Variants in VAV3 observed in about 807,000 individuals in gnomAD.
The protein encoded by VAV3 is vav guanine nucleotide exchange factor 3, also known as guanine nucleotide exchange factor VAV3.
A neutral mutation model predicts 131.2 loss-of-function variants in VAV3; 94 were observed. The ratio of observed to expected loss-of-function variants is 0.72; its 90% CI spans 0.61 to 0.85. The LOEUF (loss-of-function observed/expected upper bound fraction) is 0.85, where lower values mean the gene tolerates loss of function less well. VAV3 is among the 40% of genes least tolerant of loss of function. The pLI is 0.00. For synonymous variants in VAV3, 349 were observed against 342.0 expected (o/e 1.02, Z -0.22); for missense variants, 939 against 1,002.7 (o/e 0.94, Z 0.86).
chr1:107,760,675 T>C lies in VAV3; in HGVS notation c.1017+109A>G, dbSNP rs1322909450. On this transcript the variant is annotated intron_variant, in intron 10 of 26. Transcript: ENST00000370056. ...TAACTATAATAATAATTCAAAATTTTAAGGGGATTGGGCCCAACACATGGA... is the reference window on the plus strand; with the variant it reads ...TAACTATAATAATAATTCAAAATTTCAAGGGGATTGGGCCCAACACATGGA... 1.3e-5 allele frequency: 10 copies of C among 746,348 alleles called. No individual in the cohort carries two copies. In the East Asian group the frequency reaches 2.0e-4, roughly 15 times the overall value. 46.2% of individuals were successfully genotyped at this position (746,348 alleles called of 1,614,324 possible).
At chr1:107,728,238 C>T (rs1661972920) in intron 15 of VAV3, among the ~76,000 whole-genome samples, 1 of 152,114 alleles carries the variant, frequency 6.6e-6, no homozygotes, top group East Asian at 1.9e-4. Flanking sequence ...AAGAGTCAGA[C>T]CCCCATTTTA....
chr1:107,752,242 A>G (rs1017606475), intron 12 of VAV3, among the ~76,000 whole-genome samples: 2 of 152,234 alleles, frequency 1.3e-5, no homozygotes, highest in African/African-American at 4.8e-5. Context: ...TAGGGAAAGA[A>G]TAGCCTTTTC....
In VAV3 at chr1:107,736,361, A is replaced by C. The variant is rs1297320465; in HGVS notation, c.1502+12607T>G. On this transcript the variant is annotated intron_variant, in intron 15 of 26. Coordinates refer to ENST00000370056, the MANE Select transcript of VAV3 (RefSeq NM_006113.5). Reference sequence around the variant, plus strand: ...TAGTGTTGAAAGTTCTGGCAAGGGCAATCAGGCAGGAGAAAGAAATAAAGG... The same window carrying C: ...TAGTGTTGAAAGTTCTGGCAAGGGCCATCAGGCAGGAGAAAGAAATAAAGG... Among the ~76,000 whole-genome samples the C allele has an allele frequency of 2.0e-5, 3 of 152,316 alleles. No homozygotes were observed. The East Asian group carries it at 5.8e-4, about 29-fold the overall frequency.
intron 1 of VAV3, among the ~76,000 whole-genome samples, chr1:107,954,505 A>T (rs1186071530): frequency 6.6e-6 from 1 of 151,518 alleles, no homozygotes; most frequent in East Asian, 1.9e-4. Context: ...ATGTGTATGA[A>T]ATCATCCAGA....
In VAV3 at chr1:107,642,687, G is replaced by A. The variant is rs12410676; in HGVS notation, c.1846C>T (p.Pro616Ser). The A allele has an allele frequency of 0.13, 208,366 of 1,612,830 alleles. 14,511 individuals are homozygous for A. The highest frequency in any genetic ancestry group is 0.24 in the East Asian group (10,581 of 44,790). ...GTATCCCCGGCCTGGAGCTGTAAAG[G>A]GGGTCCTTCATGCAGAGCTGGGGGT... ...TPPPALHEGPPLQLQAGDTVE... is the reference protein window; with the variant it reads ...TPPPALHEGPSLQLQAGDTVE... Residue 616 changes from proline (P) to serine (S), a missense_variant, in exon 20 of 27, where the codon CCT (proline) becomes TCT (serine). Physicochemically the swap from Pro to Ser is moderately conservative, Grantham distance 74. Transcript: ENST00000370056.
chr1:107,604,964 T>C (rs959481829), intron 22 of VAV3, among the ~76,000 whole-genome samples: 2 of 152,192 alleles, frequency 1.3e-5, no homozygotes, highest in African/African-American at 4.8e-5. Flanking sequence ...AACCATCTTC[T>C]TCCTGCCACC....
chr1:107,816,668 C>G (rs1001470502), intron 2 of VAV3, among the ~76,000 whole-genome samples: 1 of 152,306 alleles, frequency 6.6e-6, no homozygotes. Flanking sequence ...GAACTTTAAC[C>G]TGACAGCTCA....
chr1:107,646,965 T>C (rs1214044863), intron 19 of VAV3, among the ~76,000 whole-genome samples: 1 of 151,878 alleles, frequency 6.6e-6, no homozygotes, highest in African/African-American at 2.4e-5. Context: ...ATGACACATG[T>C]GCTTTTTTTA....
At chr1:107,597,178 C>G (rs1233974026) in intron 24 of VAV3, among the ~76,000 whole-genome samples, 1 of 149,376 alleles carries the variant, frequency 6.7e-6, no homozygotes, top group Non-Finnish European at 1.5e-5. Context: ...TCACTTTTAA[C>G]TTAATTATTC....
rs186534882 is a variant in VAV3 at position 107,892,602 on chromosome 1, C to T, written c.205-17585G>A. Among the ~76,000 whole-genome samples, 721 of 75,154 alleles carry T rather than the reference C, an allele frequency of 9.6e-3. 5 individuals carry two copies. Among genetic ancestry groups the T allele is most frequent in the Non-Finnish European group, 0.012 (484 of 40,186 alleles). The allele number at this position is 75,154 out of a possible 152,430, so 49.3% of individuals were successfully genotyped here. On this transcript the variant is annotated intron_variant, in intron 1 of 26. Transcript: ENST00000370056. ...TTTGCTACCTGAATTTAGGCAAAAA[C>T]CAAAAAATTAGTTACAAAAAAAAAT...
chr1:107,705,696 T>C (rs558860156), intron 15 of VAV3, among the ~76,000 whole-genome samples: 13 of 152,340 alleles, frequency 8.5e-5, no homozygotes, highest in South Asian at 4.1e-4. Flanking sequence ...ATATTCTTTG[T>C]ATATTTACTC....
intron 1 of VAV3, among the ~76,000 whole-genome samples, chr1:107,895,201 A>C (rs906443429): frequency 6.6e-6 from 1 of 152,206 alleles, no homozygotes; most frequent in African/African-American, 2.4e-5. Flanking sequence ...CCAAGGCTTC[A>C]GAAACTTGTT....
chr1:107,806,081 G>C (rs2102316270), intron 2 of VAV3, among the ~76,000 whole-genome samples: 2 of 152,228 alleles, frequency 1.3e-5, no homozygotes, highest in South Asian at 4.1e-4. Flanking sequence ...AGAGTTTCCA[G>C]GGCTACAGAT....
chr1:107,815,738 C>G (rs1667534490), intron 2 of VAV3, among the ~76,000 whole-genome samples: 3 of 152,264 alleles, frequency 2.0e-5, no homozygotes, highest in African/African-American at 7.2e-5. Context: ...ATATGAGGTA[C>G]CTAGTAGCAA....
At chr1:107,794,639 G>A (rs1018620778) in intron 2 of VAV3, among the ~76,000 whole-genome samples, 1 of 152,146 alleles carries the variant, frequency 6.6e-6, no homozygotes, top group Non-Finnish European at 1.5e-5. Flanking sequence ...TTAGGACTCT[G>A]TTACTTGTGG....
intron 19 of VAV3, among the ~76,000 whole-genome samples, chr1:107,650,807 G>A (rs891913295): frequency 4.7e-5 from 7 of 147,390 alleles, no homozygotes; most frequent in Non-Finnish European, 5.9e-5. Context: ...GAGAACATGC[G>A]GTGTTTGGTT....
rs191535121 is a variant in VAV3 at position 107,812,967 on chromosome 1, C to T, written c.322-33475G>A. 8.6e-5 allele frequency among the ~76,000 whole-genome samples: 13 copies of T among 151,750 alleles called. No homozygotes were observed. The South Asian group carries it at 2.5e-3, about 29-fold the overall frequency. On this transcript the variant is annotated intron_variant, in intron 2 of 26. Coordinates refer to ENST00000370056, the MANE Select transcript of VAV3 (RefSeq NM_006113.5). ...TGAAACCCCATCTCTACTAAAAATA[C>T]AAAAAATTAGCCAGGTGTGGTGGCA... is the stretch of plus-strand genomic sequence containing the variant.
At chr1:107,910,203 T>C (rs564642087) in intron 1 of VAV3, among the ~76,000 whole-genome samples, 1 of 152,386 alleles carries the variant, frequency 6.6e-6, no homozygotes, top group African/African-American at 2.4e-5. Flanking sequence ...CAGGCCTATC[T>C]AATTCCAAGG....
intron 1 of VAV3, among the ~76,000 whole-genome samples, chr1:107,953,600 T>A (rs777051365): frequency 6.6e-6 from 1 of 152,140 alleles, no homozygotes; most frequent in Non-Finnish European, 1.5e-5. Context: ...TTGCTATAAG[T>A]ACAGAAGCCA....
Sources: gnomAD v4.1 joint callset for allele counts (sites outside exome capture counted in the v4.1 genomes callset) on GRCh38, gnomAD v4.1.1 for gene constraint, MANE v1.5 for transcripts, NCBI Gene and HGNC (gene_info 2026-07-23, HGNC 2026-07-21) for gene names.